Variants in ZNF365 observed in about 807,000 individuals in gnomAD.
ZNF365 encodes the protein zinc finger protein 365, also known as protein ZNF365.
ZNF365 carries 22 observed loss-of-function variants against 35.0 expected under a neutral mutation model. That is an observed-to-expected ratio of 0.63 (90% confidence interval 0.45 to 0.90). The LOEUF is 0.90. Among genes scored for constraint, ZNF365 ranks in the 40% least tolerant of loss-of-function variants. The pLI is 0.00. For synonymous variants in ZNF365, 188 were observed against 196.2 expected, an observed-to-expected ratio of 0.96 and a Z score of 0.35; for missense variants, 448 against 500.3, an observed-to-expected ratio of 0.90 and a Z score of 1.00.
chr10:62,389,258 A>G (rs1400350593), intron 3 of ZNF365, among the ~76,000 whole-genome samples: 1 of 104,042 alleles, frequency 9.6e-6, no homozygotes, highest in African/African-American at 3.8e-5. Flanking sequence ...GGTACAAATA[A>G]CCATACTCTA....
intron 3 of ZNF365, among the ~76,000 whole-genome samples, chr10:62,431,568 AC>A (rs1840335358): frequency 6.6e-6 from 1 of 152,102 alleles, no homozygotes. Flanking sequence ...TGATGGGTCT[AC>A]CCTATTTTTG....
At chr10:62,478,865 T>C (rs1158120805) in intron 4 of ZNF365, among the ~76,000 whole-genome samples, 3 of 152,210 alleles carry the variant, frequency 2.0e-5, no homozygotes, top group African/African-American at 7.2e-5. Context: ...TGAGCCACCA[T>C]GCCCTGCCAC....
chr10:62,419,933 A>G (rs1482360886), intron 3 of ZNF365, among the ~76,000 whole-genome samples: 1 of 152,144 alleles, frequency 6.6e-6, no homozygotes, highest in Non-Finnish European at 1.5e-5. Flanking sequence ...TTAGGTTATT[A>G]TAATTCCTAT....
At chr10:62,440,259 C>T (rs1247961569) in intron 3 of ZNF365, among the ~76,000 whole-genome samples, 1 of 149,790 alleles carries the variant, frequency 6.7e-6, no homozygotes, top group East Asian at 1.9e-4. Context: ...ATTTTAGGTT[C>T]GGGGGTACAT....
At chr10:62,466,327 CT>C (rs1840943075) in intron 4 of ZNF365, among the ~76,000 whole-genome samples, 1 of 152,230 alleles carries the variant, frequency 6.6e-6, no homozygotes, top group Non-Finnish European at 1.5e-5. Context: ...AAGCCAGTGC[CT>C]GTGCTGGCAC....
chr10:62,378,834 T>C (rs2132408326), intron 2 of ZNF365, among the ~76,000 whole-genome samples: 1 of 152,340 alleles, frequency 6.6e-6, no homozygotes, highest in South Asian at 2.1e-4. Flanking sequence ...TACAGAACTA[T>C]ACTACTCTTT....
At chr10:62,463,650 A>C (rs1589468254) in intron 4 of ZNF365, among the ~76,000 whole-genome samples, 2 of 152,262 alleles carry the variant, frequency 1.3e-5, no homozygotes, top group East Asian at 1.9e-4. Context: ...AGAAACTTTA[A>C]AGATGGTAAA....
intron 3 of ZNF365, among the ~76,000 whole-genome samples, chr10:62,458,856 A>T (rs1330688655): frequency 6.6e-6 from 1 of 152,192 alleles, no homozygotes; most frequent in African/African-American, 2.4e-5. Flanking sequence ...CATTGGCTTT[A>T]TCTATATTTT....
intron 4 of ZNF365, among the ~76,000 whole-genome samples, chr10:62,468,472 A>G (rs548209684): frequency 2.0e-5 from 3 of 152,230 alleles, no homozygotes; most frequent in African/African-American, 7.2e-5. Context: ...AAGCTTAGAC[A>G]TAAGTTTGTA....
At position 62,374,387 on chromosome 10, in the gene ZNF365, G is replaced by A. The variant is rs1242732822; in HGVS notation, c.-85G>A. The stretch of plus-strand genomic sequence containing the variant: ...CCGGCTCAGTCTGATTTACGGCTCT[G>A]CTGAAAACCGCTTCGCTCCCGCAGC... On this transcript the variant is annotated 5_prime_UTR_variant, in exon 1 of 5. Transcript: ENST00000395254. 6.6e-6 allele frequency: 1 copy of A among 152,282 alleles called. No individual in the cohort carries two copies. Among genetic ancestry groups the A allele is most frequent in the Non-Finnish European group, 1.5e-5 (1 of 68,074 alleles). The allele number at this position is 152,282 out of a possible 1,614,324, so 9.4% of individuals were successfully genotyped here.
intron 3 of ZNF365, among the ~76,000 whole-genome samples, chr10:62,458,514 G>T (rs1485739855): frequency 6.6e-6 from 1 of 151,466 alleles, no homozygotes; most frequent in Non-Finnish European, 1.5e-5. Flanking sequence ...ATATAATATT[G>T]TGTGGGTATA....
intron 3 of ZNF365, among the ~76,000 whole-genome samples, chr10:62,420,353 T>G (rs1840147347): frequency 6.6e-6 from 1 of 152,220 alleles, no homozygotes; most frequent in African/African-American, 2.4e-5. Context: ...TGATTCAATT[T>G]TTTTGTTATT....
intron 3 of ZNF365, among the ~76,000 whole-genome samples, chr10:62,393,435 A>G (rs1009932944): frequency 2.0e-5 from 3 of 152,268 alleles, no homozygotes; most frequent in Non-Finnish European, 4.4e-5. Flanking sequence ...TCATTGTGCT[A>G]CAACATTATA....
Position 62,376,919 on chromosome 10 carries a change from G to C in ZNF365, c.726G>C (p.Glu242Asp). 1 of 1,611,236 alleles carries C rather than the reference G, an allele frequency of 6.2e-7. No individual in the cohort carries two copies. The highest frequency in any genetic ancestry group is 1.1e-5 in the South Asian group (1 of 90,964). ...AACGCCTGACGGAATCTGAGGAGGA[G>C]CTTCTTAGGAAAGAAGAGTAAGTGT... The part of the protein sequence containing the change: ...LRQRLTESEE[E>D]LLRKEEEVVT... Residue 242 changes from glutamate to aspartate, a missense_variant, in exon 2 of 5, where the codon GAG (glutamate) becomes GAC (aspartate). Glu to Asp is a conservative substitution (Grantham distance 45, BLOSUM62 2). Transcript: ENST00000395254.
rs1407155082 is a variant in ZNF365 at position 62,437,640 on chromosome 10, T to C, written c.925-22101T>C. 2.0e-5 allele frequency among the ~76,000 whole-genome samples: 3 copies of C among 152,200 alleles called. No homozygotes were observed. The East Asian group carries it at 5.8e-4, about 29-fold the overall frequency. ...AGTAAGGTGTAACTCATAAAGCTTT[T>C]TCCTTCTAAATTCACACATATACGT... On this transcript the variant is annotated intron_variant, in intron 3 of 4. Transcript: ENST00000395255.
intron 3 of ZNF365, among the ~76,000 whole-genome samples, chr10:62,431,539 T>G (rs1840334886): frequency 6.6e-6 from 1 of 152,102 alleles, no homozygotes; most frequent in Non-Finnish European, 1.5e-5. Flanking sequence ...TAATGCATCT[T>G]TTTTGACCAG....
intron 4 of ZNF365, among the ~76,000 whole-genome samples, chr10:62,466,351 A>C (rs998570742): frequency 1.3e-5 from 2 of 151,956 alleles, no homozygotes; most frequent in African/African-American, 4.8e-5. Context: ...GGAGCTGCCC[A>C]CTCTGCTGCA....
At chr10:62,452,794 G>C (rs1033124922) in intron 3 of ZNF365, among the ~76,000 whole-genome samples, 1 of 152,222 alleles carries the variant, frequency 6.6e-6, no homozygotes, top group Non-Finnish European at 1.5e-5. Flanking sequence ...AGTTTGAAAA[G>C]CACTGGTCAT....
rs963234094 is a variant in ZNF365, at chr10:62,399,876, C to T, written c.*87C>T. 258 of 1,481,244 alleles carry T rather than the reference C, an allele frequency of 1.7e-4. No homozygotes were observed. The highest frequency in any genetic ancestry group is 2.2e-4 in the Non-Finnish European group (248 of 1,114,768). The allele number at this position is 1,481,244 out of a possible 1,614,324, so 91.8% of individuals were successfully genotyped here. On this transcript the variant is annotated 3_prime_UTR_variant, in exon 5 of 5. Coordinates refer to ENST00000395254, the MANE Select transcript of ZNF365 (RefSeq NM_014951.3). Reference sequence around the variant, plus strand: ...ACAGTAATGTCTTTCTGGAAACATTCCATAGTAAGACACATTGGAAAAGCC... The same window carrying T: ...ACAGTAATGTCTTTCTGGAAACATTTCATAGTAAGACACATTGGAAAAGCC...
Sources: allele counts gnomAD v4.1 joint callset (sites outside exome capture counted in the v4.1 genomes callset), GRCh38; gene constraint gnomAD v4.1.1; transcripts MANE v1.5; gene names NCBI Gene and HGNC (gene_info 2026-07-23, HGNC 2026-07-21).